CACNA2D3: variants seen among roughly 807,000 people sequenced by gnomAD.
CACNA2D3 encodes calcium voltage-gated channel auxiliary subunit alpha2delta 3, also known as voltage-dependent calcium channel subunit alpha-2/delta-3.
CACNA2D3 carries 60 observed loss-of-function variants against 160.6 expected under a neutral mutation model. The ratio of observed to expected loss-of-function variants is 0.37; its 90% CI spans 0.30 to 0.46. The LOEUF (loss-of-function observed/expected upper bound fraction) is 0.46. CACNA2D3 is among the 20% of genes least tolerant of loss of function. CACNA2D3 has a pLI of 1.00. For synonymous variants in CACNA2D3, 558 were observed against 492.9 expected (o/e 1.13, Z -1.75); for missense variants, 1,205 against 1,365.0 (o/e 0.88, Z 1.85).
At chr3:54,373,292 C>G (rs1698957028) in intron 3 of CACNA2D3, among the ~76,000 whole-genome samples, 1 of 152,138 alleles carries the variant, frequency 6.6e-6, no homozygotes, top group Admixed American at 6.5e-5. Flanking sequence ...CATATAAGTG[C>G]ATGTGGTTGA....
chr3:54,893,366 G>A (rs564471502), intron 25 of CACNA2D3, among the ~76,000 whole-genome samples: 5 of 151,894 alleles, frequency 3.3e-5, no homozygotes, highest in East Asian at 1.9e-4. Context: ...GTGGCATTAC[G>A]TGACCCACAG....
chr3:54,163,822 C>T (rs1039832668), intron 2 of CACNA2D3, among the ~76,000 whole-genome samples: 3 of 152,192 alleles, frequency 2.0e-5, no homozygotes, highest in African/African-American at 7.2e-5. Context: ...ATGCATCTAC[C>T]TCCAGCACAC....
At chr3:54,347,710 G>C (rs1246912135) in intron 3 of CACNA2D3, among the ~76,000 whole-genome samples, 1 of 151,448 alleles carries the variant, frequency 6.6e-6, no homozygotes, top group Admixed American at 6.6e-5. Context: ...GGCTCCTTTA[G>C]GGTCCAATTG....
intron 2 of CACNA2D3, among the ~76,000 whole-genome samples, chr3:54,244,125 C>G (rs1702024537): frequency 6.6e-6 from 1 of 152,052 alleles, no homozygotes; most frequent in Non-Finnish European, 1.5e-5. Context: ...TCCTGGTGTC[C>G]AAGTACCACA....
At chr3:54,400,744 A>G (rs570040587) in intron 4 of CACNA2D3, among the ~76,000 whole-genome samples, 3 of 152,270 alleles carry the variant, frequency 2.0e-5, no homozygotes, top group Admixed American at 6.5e-5. Flanking sequence ...CTGCAAGTGA[A>G]AGTCTTTCCC....
chr3:54,666,716 C>A (rs549917811), intron 11 of CACNA2D3, among the ~76,000 whole-genome samples: 1 of 152,272 alleles, frequency 6.6e-6, no homozygotes, highest in Non-Finnish European at 1.5e-5. Context: ...GAAAGAAAGG[C>A]CTTAAAAGGC....
intron 2 of CACNA2D3, among the ~76,000 whole-genome samples, chr3:54,317,747 C>T (rs1703898373): frequency 6.6e-6 from 1 of 152,134 alleles, no homozygotes; most frequent in Admixed American, 6.5e-5. Context: ...CCATGTTGGC[C>T]AGGCTGGTCT....
intron 11 of CACNA2D3, among the ~76,000 whole-genome samples, chr3:54,671,156 T>A (rs1280542956): frequency 6.6e-6 from 1 of 151,660 alleles, no homozygotes; most frequent in Non-Finnish European, 1.5e-5. Flanking sequence ...AGGCCCATCC[T>A]CCATTTTGGA....
At chr3:54,641,742 T>A (rs969469038) in intron 10 of CACNA2D3, among the ~76,000 whole-genome samples, 1 of 152,224 alleles carries the variant, frequency 6.6e-6, no homozygotes, top group African/African-American at 2.4e-5. Flanking sequence ...GTCAGTCTTA[T>A]GATTGTGGTT....
chr3:54,478,326 A>G lies in CACNA2D3; in HGVS notation c.382-25166A>G, dbSNP rs35846149. ...GAAAATATTACATGGCAAATTCCAG[A>G]AATAATTCATAAGTTTAAAACTGCA... On this transcript the variant is annotated intron_variant, in intron 4 of 37. Transcript: ENST00000474759. Among the ~76,000 whole-genome samples, 1,138 of 152,164 alleles carry G rather than the reference A, an allele frequency of 7.5e-3. 11 individuals carry two copies. The highest frequency in any genetic ancestry group is 0.025 in the African/African-American group (1,035 of 41,536).
At chr3:54,492,584 A>C (rs536072040) in intron 4 of CACNA2D3, among the ~76,000 whole-genome samples, 3 of 152,358 alleles carry the variant, frequency 2.0e-5, no homozygotes, top group Admixed American at 1.3e-4. Context: ...CCTGTGGATC[A>C]AATGGATTTT....
intron 18 of CACNA2D3, among the ~76,000 whole-genome samples, chr3:54,872,551 C>A (rs1220247194): frequency 6.6e-6 from 1 of 152,158 alleles, no homozygotes; most frequent in Non-Finnish European, 1.5e-5. Context: ...TTTGAAAGCC[C>A]AGCCTGGGTT....
intron 12 of CACNA2D3, among the ~76,000 whole-genome samples, chr3:54,759,406 C>G (rs1311666447): frequency 6.6e-6 from 1 of 150,632 alleles, no homozygotes; most frequent in Non-Finnish European, 1.5e-5. Flanking sequence ...TGGTTACAGC[C>G]AGATTCTAGC....
intron 23 of CACNA2D3, among the ~76,000 whole-genome samples, chr3:54,886,331 C>G (rs182130965): frequency 4.6e-5 from 7 of 152,336 alleles, no homozygotes; most frequent in African/African-American, 1.7e-4. Flanking sequence ...AATGGATTTA[C>G]TTTTTGGGAT....
At chr3:54,222,002 C>T (rs1701583244) in intron 2 of CACNA2D3, among the ~76,000 whole-genome samples, 1 of 152,190 alleles carries the variant, frequency 6.6e-6, no homozygotes, top group African/African-American at 2.4e-5. Flanking sequence ...GTGTGAACCA[C>T]TGCACCTGGC....
At chr3:54,798,757 G>A (rs761256493) in intron 13 of CACNA2D3, among the ~76,000 whole-genome samples, 1 of 152,108 alleles carries the variant, frequency 6.6e-6, no homozygotes, top group African/African-American at 2.4e-5. Flanking sequence ...ACCCACTAGC[G>A]AGCAGCAGCC....
At chr3:54,157,746 G>A (rs1276581045) in intron 2 of CACNA2D3, among the ~76,000 whole-genome samples, 1 of 151,428 alleles carries the variant, frequency 6.6e-6, no homozygotes, top group African/African-American at 2.4e-5. Context: ...AGCCGAGATG[G>A]CGCCATTGCA....
intron 2 of CACNA2D3, among the ~76,000 whole-genome samples, chr3:54,195,509 A>G (rs1431597558): frequency 6.6e-6 from 1 of 152,050 alleles, no homozygotes; most frequent in East Asian, 1.9e-4. Flanking sequence ...CTTTTACAGT[A>G]TTAAGGCATT....
chr3:54,829,450 G>T (rs1029372904), intron 14 of CACNA2D3, among the ~76,000 whole-genome samples: 4 of 152,126 alleles, frequency 2.6e-5, no homozygotes, highest in African/African-American at 4.8e-5. Flanking sequence ...GTGGAGGAGG[G>T]AAGGGTGCAG....
Sources: gnomAD v4.1 joint callset for allele counts (sites outside exome capture counted in the v4.1 genomes callset) on GRCh38, gnomAD v4.1.1 for gene constraint, MANE v1.5 for transcripts, NCBI Gene and HGNC (gene_info 2026-07-23, HGNC 2026-07-21) for gene names.